The following SH3BGRL2 variants were observed in gnomAD, a reference collection of about 807,000 sequenced individuals.
SH3BGRL2 encodes SH3 domain-binding glutamic acid-rich-like protein 2.
SH3BGRL2 carries 21 observed loss-of-function variants against 14.8 expected under a neutral mutation model. That is an observed-to-expected ratio of 1.42 (90% CI 1.01 to 2.05). The LOEUF is 2.05. SH3BGRL2 is among the 30% of genes most tolerant of loss of function. The pLI is 0.00. For synonymous variants in SH3BGRL2, 50 were observed against 47.8 expected, an observed-to-expected ratio of 1.05 and a Z score of -0.19; for missense variants, 147 against 130.8, an observed-to-expected ratio of 1.12 and a Z score of -0.61.
the SH3BGRL2 span, among the ~76,000 whole-genome samples, chr6:79,626,184 G>A: frequency 2.0e-5 from 3 of 152,194 alleles, no homozygotes; most frequent in African/African-American, 4.8e-5. Context: ...TTGGGAGGCT[G>A]AGGCAGGAGG....
At chr6:79,643,090 G>T (rs1045565390) in intron 1 of SH3BGRL2, among the ~76,000 whole-genome samples, 1 of 152,088 alleles carries the variant, frequency 6.6e-6, no homozygotes, top group Non-Finnish European at 1.5e-5. Context: ...CAGCAATGTG[G>T]TACAATATTT....
the SH3BGRL2 span, among the ~76,000 whole-genome samples, chr6:79,547,837 T>C: frequency 6.6e-6 from 1 of 152,178 alleles, no homozygotes; most frequent in African/African-American, 2.4e-5. Flanking sequence ...ACTACTCAAT[T>C]AACATATAGA....
At chr6:79,584,926 T>C in the SH3BGRL2 span, among the ~76,000 whole-genome samples, 1 of 152,146 alleles carries the variant, frequency 6.6e-6, no homozygotes, top group East Asian at 1.9e-4. Context: ...TGAACAAATA[T>C]ACCATATTTC....
the SH3BGRL2 span, among the ~76,000 whole-genome samples, chr6:79,537,665 G>A: frequency 6.6e-6 from 1 of 152,240 alleles, no homozygotes; most frequent in Non-Finnish European, 1.5e-5. Flanking sequence ...GCCAGGGCTC[G>A]ACTGCTGAGC....
chr6:79,541,222 C>T, the SH3BGRL2 span, among the ~76,000 whole-genome samples: 1 of 152,044 alleles, frequency 6.6e-6, no homozygotes, highest in Admixed American at 6.5e-5. Flanking sequence ...CACTGCACTC[C>T]AGCCTGGGCG....
At chr6:79,676,170 G>A (rs1172343895) in intron 2 of SH3BGRL2, among the ~76,000 whole-genome samples, 1 of 152,018 alleles carries the variant, frequency 6.6e-6, no homozygotes, top group Non-Finnish European at 1.5e-5. Context: ...TTTAGGGTGA[G>A]GGAAATGGAA....
the SH3BGRL2 span, among the ~76,000 whole-genome samples, chr6:79,590,542 A>G: frequency 6.7e-6 from 1 of 149,316 alleles, no homozygotes; most frequent in Non-Finnish European, 1.5e-5. Flanking sequence ...GTTGGAGGCC[A>G]TTATCCTAAG....
the SH3BGRL2 span, among the ~76,000 whole-genome samples, chr6:79,542,768 T>G: frequency 9.9e-5 from 15 of 152,234 alleles, no homozygotes; most frequent in African/African-American, 1.4e-4. Context: ...ATGTGTCTTT[T>G]CCTCACTGAA....
the SH3BGRL2 span, among the ~76,000 whole-genome samples, chr6:79,549,450 G>T: frequency 6.6e-6 from 1 of 152,124 alleles, no homozygotes; most frequent in Admixed American, 6.5e-5. Flanking sequence ...TATAATGGAG[G>T]TGTACCATTT....
At position 79,633,047 on chromosome 6, in the gene SH3BGRL2, A is replaced by G. The variant is rs529148526; in HGVS notation, c.45+1541A>G. Among the ~76,000 whole-genome samples the G allele has an allele frequency of 1.1e-4, 17 of 152,292 alleles. No individual in the cohort carries two copies. In the East Asian group the frequency reaches 2.3e-3, roughly 21 times the overall value. ...TCAAGGTAATGACTTGGCTTACTCT[A>G]TTAGTAGGTAGTATATTGAGATAGT... On this transcript the variant is annotated intron_variant, in intron 1 of 3. Transcript: ENST00000369838.
chr6:79,698,626 A>G (rs1027471989), intron 3 of SH3BGRL2, among the ~76,000 whole-genome samples: 1 of 152,012 alleles, frequency 6.6e-6, no homozygotes, highest in Non-Finnish European at 1.5e-5. Flanking sequence ...GGAGGGGCAA[A>G]GGTAGGTTAG....
intron 2 of SH3BGRL2, among the ~76,000 whole-genome samples, chr6:79,686,901 G>A (rs1770108832): frequency 6.6e-6 from 1 of 152,172 alleles, no homozygotes; most frequent in Non-Finnish European, 1.5e-5. Flanking sequence ...CACCCAGGCA[G>A]CAATGGACTT....
the SH3BGRL2 span, among the ~76,000 whole-genome samples, chr6:79,576,448 G>C: frequency 6.6e-6 from 1 of 152,098 alleles, no homozygotes; most frequent in African/African-American, 2.4e-5. Context: ...ACAAGCATTG[G>C]TTAGCAGTCA....
the SH3BGRL2 span, among the ~76,000 whole-genome samples, chr6:79,620,311 G>T: frequency 6.6e-6 from 1 of 151,426 alleles, no homozygotes; most frequent in Non-Finnish European, 1.5e-5. Flanking sequence ...TAAATTTAAA[G>T]ATTTTTTTTT....
the SH3BGRL2 span, among the ~76,000 whole-genome samples, chr6:79,622,896 G>A: frequency 1.1e-4 from 17 of 152,206 alleles, no homozygotes; most frequent in Non-Finnish European, 2.1e-4. Flanking sequence ...AAACTGAATT[G>A]AGCAGAATGG....
the SH3BGRL2 span, among the ~76,000 whole-genome samples, chr6:79,622,654 G>C: frequency 3.3e-5 from 5 of 152,140 alleles, no homozygotes; most frequent in African/African-American, 1.2e-4. Flanking sequence ...ATGTAGTACA[G>C]TGTCTAGTAT....
At chr6:79,661,320 G>A (rs1165849870) in intron 1 of SH3BGRL2, among the ~76,000 whole-genome samples, 1 of 152,032 alleles carries the variant, frequency 6.6e-6, no homozygotes, top group Non-Finnish European at 1.5e-5. Flanking sequence ...CATAGATTCT[G>A]GTATGTTGTG....
chr6:79,619,507 C>T, the SH3BGRL2 span, among the ~76,000 whole-genome samples: 1 of 152,260 alleles, frequency 6.6e-6, no homozygotes, highest in African/African-American at 2.4e-5. Context: ...CCCTTGTTGC[C>T]TTTGTTTATA....
chr6:79,618,785 G>A, the SH3BGRL2 span, among the ~76,000 whole-genome samples: 1 of 151,656 alleles, frequency 6.6e-6, no homozygotes, highest in East Asian at 1.9e-4. Context: ...CATGCGTGGT[G>A]GTATGTGCCT....
Sources: allele counts gnomAD v4.1 joint callset (sites outside exome capture counted in the v4.1 genomes callset), GRCh38; gene constraint gnomAD v4.1.1; transcripts MANE v1.5; gene names NCBI Gene and HGNC (gene_info 2026-07-23, HGNC 2026-07-21).